TNIP3: variants seen among roughly 807,000 people sequenced by gnomAD.
The protein encoded by TNIP3 is TNFAIP3 interacting protein 3.
A neutral mutation model predicts 54.1 loss-of-function variants in TNIP3; 34 were observed. The observed-to-expected ratio is 0.63, with a 90% CI of 0.48 to 0.84. The LOEUF (loss-of-function observed/expected upper bound fraction) is 0.84, where lower values mean the gene tolerates loss of function less well. Ranked by LOEUF, TNIP3 falls within the 40% of genes least tolerant of loss-of-function variation. The probability of loss-of-function intolerance (pLI) is 0.00; values close to 1 mark genes in which losing one functional copy is unlikely to be tolerated. For missense variants in TNIP3, 366 were observed against 387.6 expected (o/e 0.94, Z 0.47); for synonymous variants, 134 against 136.8 (o/e 0.98, Z 0.14).
intron 5 of TNIP3, among the ~76,000 whole-genome samples, chr4:121,153,404 C>T (rs915401585): frequency 3.3e-5 from 5 of 152,004 alleles, no homozygotes; most frequent in Middle Eastern, 3.4e-3. Flanking sequence ...ACTTGTAATA[C>T]GGTATCAAAA....
intron 1 of TNIP3, among the ~76,000 whole-genome samples, chr4:121,225,712 G>T (rs1043180643): frequency 6.6e-6 from 1 of 152,200 alleles, no homozygotes; most frequent in Non-Finnish European, 1.5e-5. Flanking sequence ...TCAGCAGGAA[G>T]TATTTAGTTG....
chr4:121,152,767 T>C (rs551953435), intron 5 of TNIP3, among the ~76,000 whole-genome samples: 1 of 152,236 alleles, frequency 6.6e-6, no homozygotes, highest in Admixed American at 6.5e-5. Context: ...TATATGAAAA[T>C]GTGTTTTCAA....
intron 9 of TNIP3, among the ~76,000 whole-genome samples, chr4:121,139,022 C>T (rs1728954870): frequency 6.6e-6 from 1 of 152,134 alleles, no homozygotes; most frequent in South Asian, 2.1e-4. Flanking sequence ...AACAAAGCAA[C>T]TTAGCATCAA....
chr4:121,219,061 G>A (rs1315473551), upstream of TNIP3, among the ~76,000 whole-genome samples: 2 of 152,058 alleles, frequency 1.3e-5, no homozygotes, highest in African/African-American at 4.8e-5. Flanking sequence ...TTAGCTGGGT[G>A]TGGTGGTGTG....
At chr4:121,220,009 A>G (rs1726965054), upstream of TNIP3, among the ~76,000 whole-genome samples, 1 of 152,186 alleles carries the variant, frequency 6.6e-6, no homozygotes, top group South Asian at 2.1e-4. Context: ...CTAAACCATC[A>G]TGAAAATTAC....
At chr4:121,188,622 T>G (rs115431125) in intron 2 of TNIP3, among the ~76,000 whole-genome samples, 194 of 152,348 alleles carry the variant, frequency 1.3e-3, no homozygotes, top group African/African-American at 4.4e-3. Context: ...TCTAAACTTG[T>G]AGAATCCTAT....
At chr4:121,138,917 T>C (rs1041287844) in intron 9 of TNIP3, among the ~76,000 whole-genome samples, 1 of 152,038 alleles carries the variant, frequency 6.6e-6, no homozygotes, top group African/African-American at 2.4e-5. Context: ...CACTTTGAGG[T>C]TGTGACATAT....
At chr4:121,211,708 T>G (rs538225698) in intron 2 of TNIP3, among the ~76,000 whole-genome samples, 2 of 152,338 alleles carry the variant, frequency 1.3e-5, no homozygotes, top group East Asian at 1.9e-4. Context: ...AGAAATGGAA[T>G]GTACTGCCAT....
chr4:121,144,496 G>A (rs1729315731), intron 7 of TNIP3, among the ~76,000 whole-genome samples: 2 of 152,078 alleles, frequency 1.3e-5, no homozygotes, highest in Non-Finnish European at 2.9e-5. Flanking sequence ...CTGCCTCCTG[G>A]GTTCAAGTGA....
At chr4:121,166,265 C>T (rs570256951), upstream of TNIP3, among the ~76,000 whole-genome samples, 1 of 152,256 alleles carries the variant, frequency 6.6e-6, no homozygotes, top group African/African-American at 2.4e-5. Flanking sequence ...TCTATTAGCT[C>T]AAGAGAGCCA....
At chr4:121,178,113 G>GT (rs1724466374) in intron 3 of TNIP3, among the ~76,000 whole-genome samples, 1 of 152,126 alleles carries the variant, frequency 6.6e-6, no homozygotes, top group Non-Finnish European at 1.5e-5. Flanking sequence ...TAACTCTGAG[G>GT]TGAGGGAGGG....
At chr4:121,182,608 A>G (rs1724776795) in intron 3 of TNIP3, 2 of 1,512,194 alleles carry the variant, frequency 1.3e-6, no homozygotes, top group Admixed American at 4.1e-5. Flanking sequence ...CTGTCTCCAC[A>G]AATTCTTCTT....
At chr4:121,217,036 C>T (rs1726826992), upstream of TNIP3, among the ~76,000 whole-genome samples, 2 of 152,042 alleles carry the variant, frequency 1.3e-5, no homozygotes, top group South Asian at 4.1e-4. Flanking sequence ...AGAAAAAAAA[C>T]TGTACTTCCG....
intron 2 of TNIP3, among the ~76,000 whole-genome samples, chr4:121,203,858 T>C (rs185570717): frequency 6.6e-6 from 1 of 151,010 alleles, no homozygotes; most frequent in Non-Finnish European, 1.5e-5. Context: ...TCCATATTTT[T>C]CTCTGTGTTT....
intron 4 of TNIP3, among the ~76,000 whole-genome samples, chr4:121,155,614 TA>T (rs1352272752): frequency 6.6e-6 from 1 of 152,206 alleles, no homozygotes; most frequent in Non-Finnish European, 1.5e-5. Context: ...AACTGAAGGT[TA>T]GCTGCGTAAA....
At chr4:121,141,721 G>A in intron 9 of TNIP3, 95 bp downstream of exon 9, 2 of 799,022 alleles carry the variant, frequency 2.5e-6, no homozygotes. Flanking sequence ...AGAGGCTCTT[G>A]CTGTAGATAA....
chr4:121,180,064 A>G (rs918427358), intron 3 of TNIP3, among the ~76,000 whole-genome samples: 4 of 151,994 alleles, frequency 2.6e-5, no homozygotes, highest in Non-Finnish European at 4.4e-5. Context: ...GAGACCAGAG[A>G]AAAAAAGCGG....
intron 2 of TNIP3, among the ~76,000 whole-genome samples, chr4:121,203,216 T>TATATATAGATAG (rs1553936814): frequency 1.4e-5 from 2 of 146,964 alleles, no homozygotes; most frequent in Non-Finnish European, 3.0e-5. Flanking sequence ...GAAAATGTGA[T>TATATATAGATAG]ATAGATAGAT....
intron 6 of TNIP3, among the ~76,000 whole-genome samples, chr4:121,148,029 A>C (rs1729531919): frequency 1.3e-5 from 2 of 152,228 alleles, no homozygotes; most frequent in Non-Finnish European, 1.5e-5. Context: ...ATCCAGCCAC[A>C]TTGACATTTT....
Sources: allele counts gnomAD v4.1 joint callset (sites outside exome capture counted in the v4.1 genomes callset), GRCh38; gene constraint gnomAD v4.1.1; transcripts MANE v1.5; gene names NCBI Gene and HGNC (gene_info 2026-07-23, HGNC 2026-07-21).